GRIA4: variants seen among roughly 807,000 people sequenced by gnomAD.
The protein encoded by GRIA4 is glutamate ionotropic receptor AMPA type subunit 4.
Under a neutral mutation model 104.0 loss-of-function variants are expected in GRIA4, and 34 were observed. The ratio of observed to expected loss-of-function variants is 0.33; its 90% CI spans 0.25 to 0.44. The LOEUF (loss-of-function observed/expected upper bound fraction) is 0.44, where lower values mean the gene tolerates loss of function less well. Among genes scored for constraint, GRIA4 ranks in the 20% least tolerant of loss-of-function variants. The pLI is 1.00. For missense variants in GRIA4, 750 were observed against 1,096.5 expected (o/e 0.68, Z 4.46); for synonymous variants, 386 against 381.9 (o/e 1.01, Z -0.13).
At chr11:105,921,077 TA>T (rs1371624793) in intron 11 of GRIA4, among the ~76,000 whole-genome samples, 1 of 152,194 alleles carries the variant, frequency 6.6e-6, no homozygotes, top group Non-Finnish European at 1.5e-5. Flanking sequence ...GGATTCACTA[TA>T]TTTTTTTACT....
rs563267088 is a variant in GRIA4, at chr11:105,673,125, A to C, written c.247+60691A>C. Among the ~76,000 whole-genome samples, 6 of 152,152 alleles carry C rather than the reference A, an allele frequency of 3.9e-5. No individual in the cohort carries two copies. In the East Asian group the frequency reaches 1.2e-3, roughly 29 times the overall value. Reference sequence around the variant, plus strand: ...GGTTCCTATTCACCTCTCCAGTCTCACTGCATGCTACTTACCTCCACCCAC... The same window carrying C: ...GGTTCCTATTCACCTCTCCAGTCTCCCTGCATGCTACTTACCTCCACCCAC... On this transcript the variant is annotated intron_variant, in intron 3 of 16. Transcript: ENST00000282499.
In GRIA4 at chr11:105,950,549, TG is replaced by T. The variant is rs1948431823; in HGVS notation, c.2294+16581del. ...TAAATCAATAAGAACTTTGTATGTATGAAAAAAAAGACATTTTAACTTTGGA... is the reference window on the plus strand; with the variant it reads ...TAAATCAATAAGAACTTTGTATGTATAAAAAAAAGACATTTTAACTTTGGA... On this transcript the variant is annotated intron_variant, in intron 14 of 16. Transcript: ENST00000282499. 4.5e-5 allele frequency among the ~76,000 whole-genome samples: 4 copies of T among 88,140 alleles called. No individual in the cohort carries two copies. In the East Asian group the frequency reaches 9.9e-4, roughly 22 times the overall value. 57.8% of individuals were successfully genotyped at this position (88,140 alleles called of 152,430 possible). A position where few individuals can be genotyped will look rare whatever the true frequency, so the allele number is the denominator to read the frequency against.
intron 4 of GRIA4, among the ~76,000 whole-genome samples, chr11:105,841,653 T>C (rs1238516744): frequency 3.3e-5 from 5 of 152,220 alleles, no homozygotes; most frequent in Non-Finnish European, 5.9e-5. Context: ...ATAGGTTTTG[T>C]ACATTTTCTT....
chr11:105,720,102 T>A (rs532920193), intron 3 of GRIA4, among the ~76,000 whole-genome samples: 1 of 151,998 alleles, frequency 6.6e-6, no homozygotes, highest in African/African-American at 2.4e-5. Context: ...ATGCCAACTT[T>A]GATCTCTAAA....
chr11:105,794,485 A>ATT (rs1942382613), intron 4 of GRIA4, among the ~76,000 whole-genome samples: 1 of 106,418 alleles, frequency 9.4e-6, no homozygotes, highest in South Asian at 2.9e-4. Flanking sequence ...ATATATATAT[A>ATT]TATATATATA....
intron 4 of GRIA4, among the ~76,000 whole-genome samples, chr11:105,796,859 T>C (rs1334456336): frequency 6.6e-6 from 1 of 152,142 alleles, no homozygotes; most frequent in African/African-American, 2.4e-5. Context: ...TAATGTTGTA[T>C]TTTGGTAATG....
intron 4 of GRIA4, 150 bp downstream of exon 4, chr11:105,753,370 GA>G (rs1443033417): frequency 2.8e-6 from 2 of 720,226 alleles, no homozygotes; most frequent in East Asian, 5.2e-5. Context: ...TGACTCTGGG[GA>G]AAAATTTCTA....
chr11:105,862,163 T>G lies in GRIA4; in HGVS notation c.627T>G (p.Phe209Leu), dbSNP rs1219396503. The G allele has an allele frequency of 3.7e-6, 6 of 1,605,716 alleles. No individual in the cohort carries two copies. The highest frequency in any genetic ancestry group is 3.3e-5 in the Admixed American group (2 of 59,962). The stretch of plus-strand genomic sequence containing the variant: ...TTGACAGAAGACAAGAGAAGAAGTT[T>G]GTAATAGACTGTGAGATAGAGAGAC... ...EELDRRQEKK[F>L]VIDCEIERLQ... The change falls in exon 5 of 17, where the codon TTT (phenylalanine) becomes TTG (leucine). Residue 209 changes from phenylalanine (F) to leucine (L), a missense_variant. By Grantham distance (22) the Phe-to-Leu change is conservative. Coordinates refer to ENST00000282499, the MANE Select transcript of GRIA4 (RefSeq NM_000829.4).
At chr11:105,793,591 C>A (rs1268324649) in intron 4 of GRIA4, among the ~76,000 whole-genome samples, 1 of 152,110 alleles carries the variant, frequency 6.6e-6, no homozygotes, top group African/African-American at 2.4e-5. Context: ...GATTTGAAAG[C>A]CTCCCATGAA....
intron 9 of GRIA4, among the ~76,000 whole-genome samples, chr11:105,908,613 C>CAAAA (rs386362602): frequency 4.6e-5 from 6 of 130,894 alleles, no homozygotes; most frequent in South Asian, 2.5e-4. Context: ...AGGTATAAGG[C>CAAAA]CAAAAAAAAA....
intron 14 of GRIA4, among the ~76,000 whole-genome samples, chr11:105,966,331 T>G (rs1232888655): frequency 6.6e-6 from 1 of 152,192 alleles, no homozygotes; most frequent in African/African-American, 2.4e-5. Context: ...TGAATCTCAA[T>G]TTTGGAAAGT....
At chr11:105,933,320 T>C (rs1307998406) in intron 13 of GRIA4, among the ~76,000 whole-genome samples, 2 of 152,164 alleles carry the variant, frequency 1.3e-5, no homozygotes, top group African/African-American at 4.8e-5. Flanking sequence ...AAAGGAATTT[T>C]ACAAACTTGA....
chr11:105,685,906 A>G (rs1188219233), intron 3 of GRIA4, among the ~76,000 whole-genome samples: 1 of 152,142 alleles, frequency 6.6e-6, no homozygotes, highest in African/African-American at 2.4e-5. Flanking sequence ...GAAAACAATA[A>G]ACATTTTTTA....
chr11:105,905,015 C>T lies in GRIA4; in HGVS notation c.1054-182C>T, dbSNP rs1351160420. The stretch of plus-strand genomic sequence containing the variant: ...CAGGGGTATAGCAAAATTGCTTATA[C>T]ATCCCTTTGATATTCCTATTTCAGA... On this transcript the variant is annotated intron_variant, in intron 8 of 16. Coordinates refer to ENST00000282499, the MANE Select transcript of GRIA4 (RefSeq NM_000829.4). 5.9e-5 allele frequency among the ~76,000 whole-genome samples: 9 copies of T among 152,284 alleles called. No individual in the cohort carries two copies. The South Asian group carries it at 6.2e-4, about 11-fold the overall frequency.
At chr11:105,763,974 TA>T (rs2135723632) in intron 4 of GRIA4, among the ~76,000 whole-genome samples, 1 of 152,220 alleles carries the variant, frequency 6.6e-6, no homozygotes, top group East Asian at 1.9e-4. Flanking sequence ...ATGACTCATT[TA>T]AAAAGCTCTT....
At chr11:105,706,802 G>A (rs924627594) in intron 3 of GRIA4, 45 of 152,348 alleles carry the variant, frequency 3.0e-4, no homozygotes, top group African/African-American at 1.0e-3. Flanking sequence ...CATCATTTCT[G>A]ATGCAATAAA....
At chr11:105,700,093 G>A (rs1245139107) in intron 3 of GRIA4, among the ~76,000 whole-genome samples, 2 of 152,216 alleles carry the variant, frequency 1.3e-5, no homozygotes, top group Admixed American at 6.5e-5. Context: ...GCATAGAGAT[G>A]TGATATTTTA....
At chr11:105,953,147 C>T (rs531220956) in intron 14 of GRIA4, among the ~76,000 whole-genome samples, 35 of 152,294 alleles carry the variant, frequency 2.3e-4, no homozygotes, top group African/African-American at 7.7e-4. Flanking sequence ...GGCTACTCTT[C>T]GAGGCTAAAT....
At chr11:105,672,126 G>C (rs1183435821) in intron 3 of GRIA4, among the ~76,000 whole-genome samples, 1 of 152,156 alleles carries the variant, frequency 6.6e-6, no homozygotes, top group African/African-American at 2.4e-5. Flanking sequence ...AATTTTAATT[G>C]AGGGTAAATA....
Sources: gnomAD v4.1 joint callset for allele counts (sites outside exome capture counted in the v4.1 genomes callset) on GRCh38, gnomAD v4.1.1 for gene constraint, MANE v1.5 for transcripts, NCBI Gene and HGNC (gene_info 2026-07-23, HGNC 2026-07-21) for gene names.